SPATA31H1: variants seen among roughly 807,000 people sequenced by gnomAD.
SPATA31H1 encodes the protein spermatogenesis-associated protein 31H1.
At chr2:27,565,389 A>C in the SPATA31H1 span, 1 of 717,424 alleles carries the variant, frequency 1.4e-6, no homozygotes, top group Non-Finnish European at 2.6e-6. Flanking sequence ...GGTCAGAGAG[A>C]TCCTATCCTT....
At chr2:27,560,314 A>C in the SPATA31H1 span, among the ~76,000 whole-genome samples, 4 of 76,110 alleles carry the variant, frequency 5.3e-5, no homozygotes, top group Non-Finnish European at 7.5e-5. Context: ...CTTACAATTG[A>C]TGGTATTTAA....
At chr2:27,579,503 A>C in the SPATA31H1 span, 1 of 1,614,230 alleles carries the variant, frequency 6.2e-7, no homozygotes, top group African/African-American at 1.3e-5. Context: ...CCTTAAGGAT[A>C]TGGACACGTG....
At chr2:27,547,980 T>TTTC in the SPATA31H1 span, among the ~76,000 whole-genome samples, 12 of 36,630 alleles carry the variant, frequency 3.3e-4, no homozygotes, top group African/African-American at 7.9e-4. Flanking sequence ...TAGTAATTTC[T>TTTC]TTTTTTTTTT....
the SPATA31H1 span, among the ~76,000 whole-genome samples, chr2:27,550,354 A>T: frequency 4.0e-5 from 6 of 149,670 alleles, no homozygotes; most frequent in Non-Finnish European, 7.5e-5. Flanking sequence ...CTATCAAATT[A>T]AGGAGGTTCC....
At chr2:27,540,575 G>C in the SPATA31H1 span, among the ~76,000 whole-genome samples, 1 of 141,806 alleles carries the variant, frequency 7.1e-6, no homozygotes, top group Non-Finnish European at 1.5e-5. Flanking sequence ...GGGCGGAGAC[G>C]CTCCTCACTT....
the SPATA31H1 span, chr2:27,580,030 T>C: frequency 1.2e-6 from 2 of 1,614,170 alleles, no homozygotes; most frequent in Non-Finnish European, 1.7e-6. Flanking sequence ...CTCCACCTTG[T>C]ACGCACTCCT....
chr2:27,580,250 T>C, the SPATA31H1 span: 1 of 1,614,024 alleles, frequency 6.2e-7, no homozygotes, highest in African/African-American at 1.3e-5. Flanking sequence ...AGTCCCCTGC[T>C]CCTGTACAAG....
At chr2:27,541,395 G>A in the SPATA31H1 span, among the ~76,000 whole-genome samples, 2 of 151,608 alleles carry the variant, frequency 1.3e-5, no homozygotes, top group African/African-American at 4.9e-5. Context: ...GAAGGAGACC[G>A]TGGGAAGGGG....
At chr2:27,573,530 T>G in the SPATA31H1 span, 1 of 398,454 alleles carries the variant, frequency 2.5e-6, no homozygotes, top group East Asian at 3.6e-5. Flanking sequence ...TCCAGGAACA[T>G]CAGTTGCCAG....
chr2:27,578,343 A>G, the SPATA31H1 span: 6 of 1,614,160 alleles, frequency 3.7e-6, no homozygotes, highest in South Asian at 6.6e-5. Flanking sequence ...TGTAAAAACT[A>G]TGTTAATCCC....
At chr2:27,579,277 C>T in the SPATA31H1 span, 1 of 1,614,110 alleles carries the variant, frequency 6.2e-7, no homozygotes. Context: ...TTAGGGACCA[C>T]TATGGAAAGG....
chr2:27,581,381 G>A, the SPATA31H1 span: 2 of 1,613,918 alleles, frequency 1.2e-6, no homozygotes, highest in South Asian at 2.2e-5. Flanking sequence ...GTCCTTCTGA[G>A]AGAAGCTGGC....
the SPATA31H1 span, chr2:27,582,540 C>T: frequency 6.4e-6 from 10 of 1,569,068 alleles, no homozygotes; most frequent in Non-Finnish European, 7.8e-6. Flanking sequence ...CGAGGTCCGC[C>T]CCTATTATTC....
the SPATA31H1 span, chr2:27,566,195 G>A: frequency 1.4e-6 from 1 of 710,362 alleles, no homozygotes; most frequent in Non-Finnish European, 2.6e-6. Context: ...CACTGTGATA[G>A]CTTTCTCCTT....
At chr2:27,552,716 A>T in the SPATA31H1 span, among the ~76,000 whole-genome samples, 1 of 152,056 alleles carries the variant, frequency 6.6e-6, no homozygotes, top group South Asian at 2.1e-4. Flanking sequence ...CCAATCCATG[A>T]ACAAGGGATG....
the SPATA31H1 span, among the ~76,000 whole-genome samples, chr2:27,539,249 C>T: frequency 6.7e-6 from 1 of 149,682 alleles, no homozygotes; most frequent in Non-Finnish European, 1.5e-5. Context: ...GCCAGAGGAC[C>T]CTGCGGCCTT....
chr2:27,538,540 AAG>A, the SPATA31H1 span, among the ~76,000 whole-genome samples: 5 of 152,110 alleles, frequency 3.3e-5, no homozygotes, highest in African/African-American at 1.2e-4. Context: ...CACGGTGAAA[AAG>A]AGAACGTAGC....
At chr2:27,549,877 C>T in the SPATA31H1 span, among the ~76,000 whole-genome samples, 2 of 151,904 alleles carry the variant, frequency 1.3e-5, no homozygotes, top group African/African-American at 4.9e-5. Context: ...GGCTGGTCTT[C>T]AATTCCTGGC....
the SPATA31H1 span, among the ~76,000 whole-genome samples, chr2:27,556,715 A>T: frequency 0.02 from 2,475 of 122,442 alleles, 90 homozygotes; most frequent in African/African-American, 0.069. Context: ...TAATTAATTT[A>T]TTTTTTTTTT....
Sources: allele counts gnomAD v4.1 joint callset (sites outside exome capture counted in the v4.1 genomes callset), GRCh38; gene constraint gnomAD v4.1.1; transcripts MANE v1.5; gene names NCBI Gene and HGNC (gene_info 2026-07-23, HGNC 2026-07-21).